SGSM2: variants seen among roughly 807,000 people sequenced by gnomAD.
The protein encoded by SGSM2 is small G protein signaling modulator 2.
A neutral mutation model predicts 126.6 loss-of-function variants in SGSM2; 89 were observed. The ratio of observed to expected loss-of-function variants is 0.70; its 90% CI spans 0.59 to 0.84. SGSM2 has a LOEUF of 0.84. Ranked by LOEUF, SGSM2 falls within the 40% of genes least tolerant of loss-of-function variation. The pLI is 0.00. For missense variants in SGSM2, 1,404 were observed against 1,416.6 expected (o/e 0.99, Z 0.14); for synonymous variants, 614 against 574.3 (o/e 1.07, Z -0.99).
In SGSM2 at chr17:2,376,754, C is replaced by T. The variant is rs1567851170; in HGVS notation, c.2631C>T (p.Asp877=). Residue 877 remains aspartate (D), a synonymous_variant, in exon 20 of 24, where the codon GAC becomes GAT. Transcript: ENST00000268989. ...VMCSYVWEHL[D]VGYVQGMCDL... ...TCAGCTACGTGTGGGAGCACCTGGACGTGGGCTATGTGCAGGGCATGTGCG... is the reference window on the plus strand; with the variant it reads ...TCAGCTACGTGTGGGAGCACCTGGATGTGGGCTATGTGCAGGGCATGTGCG... 3.1e-6 allele frequency: 5 copies of T among 1,613,896 alleles called. No individual in the cohort carries two copies. Among genetic ancestry groups the T allele is most frequent in the African/African-American group, 1.3e-5 (1 of 74,932 alleles).
At position 2,362,136 on chromosome 17, in the gene SGSM2, C is replaced by G; in HGVS notation, c.324C>G (p.Ala108=). 6.2e-7 allele frequency: 1 copy of G among 1,613,448 alleles called. No individual in the cohort carries two copies. Among genetic ancestry groups the G allele is most frequent in the Non-Finnish European group, 8.5e-7 (1 of 1,179,868 alleles). The part of the protein sequence containing the change: ...GRKPSGVSQE[A]LRRQGSASGK... ...AACCCTCAGGGGTCAGCCAGGAGGC[C>G]CTGCGGAGACAGGGCTCAGCCAGCG... Residue 108 remains alanine, a synonymous_variant, in exon 4 of 24, where the codon GCC becomes GCG. Transcript: ENST00000268989. This position sits in a 1 kb window ranked among gnomAD's most constrained non-coding sequence, Gnocchi z 4.9.
Position 2,375,599 on chromosome 17 carries a change from G to T in SGSM2, c.2208G>T (p.Val736=). 6.2e-7 allele frequency: 1 copy of T among 1,613,946 alleles called. No homozygotes were observed. Among genetic ancestry groups the T allele is most frequent in the Non-Finnish European group, 8.5e-7 (1 of 1,180,032 alleles). ...GACCCGGGACTCCGGGCACCGCCGT[G>T]GTGGAGCAGCAGCATTCCGTGGAGT... ...EAGPGTPGTA[V]VEQQHSVEFD... The change falls in exon 18 of 24, where the codon GTG becomes GTT. Residue 736 remains valine (V), a synonymous_variant. Coordinates refer to ENST00000268989, the MANE Select transcript of SGSM2 (RefSeq NM_014853.3).
rs752675977 is a variant in SGSM2 at position 2,364,039 on chromosome 17, TC to T, written c.808-18del. The T allele has an allele frequency of 6.2e-7, 1 of 1,613,910 alleles. No homozygotes were observed. The highest frequency in any genetic ancestry group is 8.5e-7 in the Non-Finnish European group (1 of 1,179,966). ...CCTCTCAGCCCTTCATCGTCGGTCTTCCGGTGTCTCCCGCTGTAGAAGGAGG... is the reference window on the plus strand; with the variant it reads ...CCTCTCAGCCCTTCATCGTCGGTCTTCGGTGTCTCCCGCTGTAGAAGGAGG... On this transcript the variant is annotated intron_variant, in intron 7 of 23. Coordinates refer to ENST00000268989, the MANE Select transcript of SGSM2 (RefSeq NM_014853.3).
At chr17:2,365,388 G>A (rs761147690) in intron 11 of SGSM2, 47 bp downstream of exon 11, 17 of 1,485,638 alleles carry the variant, frequency 1.1e-5, no homozygotes, top group East Asian at 5.0e-5. Flanking sequence ...AAGACGCTCT[G>A]GGAGGCGGGG....
At position 2,380,034 on chromosome 17, in the gene SGSM2, G is replaced by A. The variant is rs981718882; in HGVS notation, c.*514G>A. The A allele has an allele frequency of 5.4e-5, 76 of 1,404,754 alleles. No homozygotes were observed. The highest frequency in any genetic ancestry group is 2.8e-4 in the Admixed American group (9 of 31,974). 87.0% of individuals were successfully genotyped at this position (1,404,754 alleles called of 1,614,324 possible). Reference sequence around the variant, plus strand: ...TGCTTCTGGTTTAGGCACACGTCACGGGTGCGGGAGACCCGGGCACGGGAG... The same window carrying A: ...TGCTTCTGGTTTAGGCACACGTCACAGGTGCGGGAGACCCGGGCACGGGAG... On this transcript the variant is annotated 3_prime_UTR_variant, in exon 24 of 24. Transcript: ENST00000268989.
chr17:2,345,503 G>A (rs977317481), intron 2 of SGSM2, among the ~76,000 whole-genome samples: 2 of 151,852 alleles, frequency 1.3e-5, no homozygotes, highest in Admixed American at 6.6e-5. Context: ...GGCTGAGGCA[G>A]GAGAATGGCG....
chr17:2,373,477 G>T lies in SGSM2; in HGVS notation c.2064G>T (p.Gln688His). 6.2e-7 allele frequency: 1 copy of T among 1,601,238 alleles called. No homozygotes were observed. The highest frequency in any genetic ancestry group is 8.5e-7 in the Non-Finnish European group (1 of 1,177,558). The change falls in exon 17 of 24, where the codon CAG (glutamine) becomes CAT (histidine). Residue 688 changes from glutamine to histidine, a missense_variant. Gln to His is a conservative substitution (Grantham distance 24, BLOSUM62 0). Transcript: ENST00000268989. ...SSGSSIDSHVQRLIHRDSTIS... is the reference protein window; with the variant it reads ...SSGSSIDSHVHRLIHRDSTIS... ...GCAGCAGCATCGACAGCCACGTGCAGCGCCTCATCCACCGAGACTCCACCA... is the reference window on the plus strand; with the variant it reads ...GCAGCAGCATCGACAGCCACGTGCATCGCCTCATCCACCGAGACTCCACCA...
chr17:2,365,182 A>T (rs2065503172), intron 10 of SGSM2, 33 bp from the exon 11 acceptor site: 1 of 1,598,922 alleles, frequency 6.3e-7, no homozygotes, highest in Non-Finnish European at 8.5e-7. Flanking sequence ...ACTCTGCCCT[A>T]TACAGCCCGA....
At chr17:2,340,900 C>G (rs1399289194) in intron 1 of SGSM2, among the ~76,000 whole-genome samples, 1 of 152,020 alleles carries the variant, frequency 6.6e-6, no homozygotes, top group African/African-American at 2.4e-5. Flanking sequence ...TTAATTTCTA[C>G]AGAAACATCC....
chr17:2,344,266 C>T (rs1567799968), intron 2 of SGSM2, among the ~76,000 whole-genome samples: 2 of 152,192 alleles, frequency 1.3e-5, no homozygotes, highest in East Asian at 1.9e-4. Context: ...GCCTCCTCAG[C>T]CTGAAGACTT....
At chr17:2,364,331 T>C in intron 8 of SGSM2, 148 bp downstream of exon 8, 1 of 1,088,288 alleles carries the variant, frequency 9.2e-7, no homozygotes, top group Non-Finnish European at 1.3e-6. Flanking sequence ...CTGCCTGGAG[T>C]GATTCCCAAG....
At position 2,375,727 on chromosome 17, in the gene SGSM2, AG is replaced by A; in HGVS notation, c.2338del (p.Asp780ThrfsTer18). 1 of 1,609,514 alleles carries A rather than the reference AG, an allele frequency of 6.2e-7. No homozygotes were observed. The highest frequency in any genetic ancestry group is 1.1e-5 in the South Asian group (1 of 90,930). ...DEGQSVGFEE[E>X]DGGGEEGSSG... ...GGGCAGAGCGTGGGCTTCGAAGAGG[AG>A]GACGGCGGTGGGGAGGAAGGCTCCA... On this transcript the variant is annotated frameshift_variant, in exon 18 of 24. Transcript: ENST00000268989. LOFTEE classifies it high-confidence loss of function.
Position 2,376,516 on chromosome 17 carries a change from A to T in SGSM2, c.2610-217A>T, listed in dbSNP as rs528764585. On this transcript the variant is annotated intron_variant, in intron 19 of 23. Coordinates refer to ENST00000268989, the MANE Select transcript of SGSM2 (RefSeq NM_014853.3). Reference sequence around the variant, plus strand: ...CCCCGCACCCCCGCCCCACATACCAAGCGTGACGGCCTTGGCTCTCCCTAA... The same window carrying T: ...CCCCGCACCCCCGCCCCACATACCATGCGTGACGGCCTTGGCTCTCCCTAA... The T allele has an allele frequency of 4.2e-5, 28 of 669,038 alleles. No homozygotes were observed. In the South Asian group the frequency reaches 5.2e-4, roughly 13 times the overall value. The allele number at this position is 669,038 out of a possible 1,614,324, so 41.4% of individuals were successfully genotyped here.
At chr17:2,359,346 G>A (rs2065217907) in intron 2 of SGSM2, among the ~76,000 whole-genome samples, 1 of 152,154 alleles carries the variant, frequency 6.6e-6, no homozygotes, top group Admixed American at 6.5e-5. Flanking sequence ...GCATGGCATA[G>A]GACAAGTGCA....
At chr17:2,377,222 A>G (rs2066207927) in intron 21 of SGSM2, 154 bp downstream of exon 21, 1 of 595,374 alleles carries the variant, frequency 1.7e-6, no homozygotes, top group African/African-American at 1.9e-5. Flanking sequence ...AACGTGGCTC[A>G]GGCCTGTCAT....
intron 2 of SGSM2, among the ~76,000 whole-genome samples, chr17:2,356,866 G>T (rs548203787): frequency 1.2e-5 from 1 of 82,022 alleles, no homozygotes; most frequent in Non-Finnish European, 2.6e-5. Context: ...TGGAATCGGG[G>T]TGTAAGGATT....
chr17:2,346,875 G>A (rs748733830), intron 2 of SGSM2, among the ~76,000 whole-genome samples: 7 of 152,120 alleles, frequency 4.6e-5, no homozygotes, highest in Non-Finnish European at 5.9e-5. Context: ...GATCCCTTGA[G>A]ACCAGAAGCT....
chr17:2,366,435 T>C (rs2151588419), intron 11 of SGSM2: 1 of 152,308 alleles, frequency 6.6e-6, no homozygotes, highest in African/African-American at 2.4e-5. Context: ...TTCCAACTTG[T>C]GCCAAAAAGT....
intron 2 of SGSM2, among the ~76,000 whole-genome samples, chr17:2,344,612 G>A (rs979374703): frequency 3.9e-5 from 6 of 152,188 alleles, no homozygotes; most frequent in African/African-American, 1.2e-4. Flanking sequence ...AGTCTCTGCC[G>A]CAGGAGCTTA....
Sources: allele counts gnomAD v4.1 joint callset (sites outside exome capture counted in the v4.1 genomes callset), GRCh38; gene constraint gnomAD v4.1.1; non-coding constraint Gnocchi (gnomAD v3.1); transcripts MANE v1.5; gene names NCBI Gene and HGNC (gene_info 2026-07-23, HGNC 2026-07-21).